POT1: variants seen among roughly 807,000 people sequenced by gnomAD.
The protein encoded by POT1 is protection of telomeres 1, also known as protection of telomeres protein 1.
Under a neutral mutation model 78.5 loss-of-function variants are expected in POT1, and 47 were observed. The observed-to-expected ratio is 0.60, with a 90% CI of 0.47 to 0.76. POT1 has a LOEUF of 0.76. POT1 is among the 30% of genes least tolerant of loss of function. The pLI, the probability that POT1 is intolerant of heterozygous loss-of-function variation, is 0.00. For missense variants in POT1, 646 were observed against 749.9 expected, an observed-to-expected ratio of 0.86 and a Z score of 1.62; for synonymous variants, 259 against 260.7, an observed-to-expected ratio of 0.99 and a Z score of 0.06.
chr7:124,925,906 T>A (rs1237946505), intron 2 of POT1, among the ~76,000 whole-genome samples: 1 of 152,070 alleles, frequency 6.6e-6, no homozygotes, highest in Non-Finnish European at 1.5e-5. Context: ...GATTGCCACA[T>A]GCAGAAGAGT....
chr7:124,852,079 A>G (rs996070140), intron 10 of POT1, 128 bp from the exon 11 acceptor site: 6 of 615,516 alleles, frequency 9.7e-6, no homozygotes, highest in Admixed American at 3.2e-5. Context: ...TGCATTCTTC[A>G]GTAAAGGATC....
At chr7:124,897,098 G>T (rs2116642842) in intron 5 of POT1, 67 bp downstream of exon 5, 2 of 919,214 alleles carry the variant, frequency 2.2e-6, no homozygotes, top group East Asian at 2.8e-5. Context: ...ACATACACAT[G>T]TATCTATGTG....
intron 15 of POT1, among the ~76,000 whole-genome samples, chr7:124,833,414 A>G (rs1361405140): frequency 6.6e-6 from 1 of 152,200 alleles, no homozygotes; most frequent in Non-Finnish European, 1.5e-5. Flanking sequence ...AGAAGTCGGA[A>G]AGAAAGAGGA....
chr7:124,852,263 T>TA (rs1795329406), intron 10 of POT1, among the ~76,000 whole-genome samples: 1 of 152,132 alleles, frequency 6.6e-6, no homozygotes, highest in Non-Finnish European at 1.5e-5. Context: ...AATATGATAT[T>TA]AAAAATCAGT....
At chr7:124,904,334 G>T (rs1796703108) in intron 3 of POT1, among the ~76,000 whole-genome samples, 1 of 152,114 alleles carries the variant, frequency 6.6e-6, no homozygotes, top group Non-Finnish European at 1.5e-5. Flanking sequence ...TCCAAGGCTG[G>T]TTCAACATAC....
intron 9 of POT1, 47 bp from the exon 10 acceptor site, chr7:124,853,185 A>G (rs1421140022): frequency 2.9e-6 from 4 of 1,387,242 alleles, no homozygotes; most frequent in Non-Finnish European, 4.0e-6. Flanking sequence ...AAAAATTAAA[A>G]TACTTCTGAT....
At chr7:124,911,333 T>G (rs909608811) in intron 3 of POT1, among the ~76,000 whole-genome samples, 10 of 152,130 alleles carry the variant, frequency 6.6e-5, no homozygotes, top group Non-Finnish European at 1.5e-4. Context: ...GGCATGATTG[T>G]GTGTATGTGC....
At chr7:124,921,138 T>C (rs1797139001) in intron 2 of POT1, among the ~76,000 whole-genome samples, 1 of 151,978 alleles carries the variant, frequency 6.6e-6, no homozygotes, top group South Asian at 2.1e-4. Context: ...AAAAAAATAT[T>C]TCACTAATAT....
At chr7:124,885,157 T>C (rs1796212854) in intron 6 of POT1, among the ~76,000 whole-genome samples, 1 of 152,026 alleles carries the variant, frequency 6.6e-6, no homozygotes, top group South Asian at 2.1e-4. Flanking sequence ...GATGAGTCAT[T>C]ATCAAAACCA....
At chr7:124,831,665 G>A (rs944872783) in intron 15 of POT1, among the ~76,000 whole-genome samples, 1 of 152,034 alleles carries the variant, frequency 6.6e-6, no homozygotes, top group Non-Finnish European at 1.5e-5. Context: ...TAGGAAAATA[G>A]GCTAATAAAT....
chr7:124,846,182 C>CACACACACACAT (rs1290882502), intron 12 of POT1, among the ~76,000 whole-genome samples: 5 of 151,888 alleles, frequency 3.3e-5, no homozygotes, highest in Non-Finnish European at 5.9e-5. Context: ...CACACACACA[C>CACACACACACAT]ACCCCTATAA....
Position 124,892,277 on chromosome 7 carries a change from C to T in POT1, c.113G>A (p.Ser38Asn), listed in dbSNP as rs1796390486. 2 of 1,530,116 alleles carry T rather than the reference C, an allele frequency of 1.3e-6. No homozygotes were observed. Among genetic ancestry groups the T allele is most frequent in the Non-Finnish European group, 1.7e-6 (2 of 1,143,774 alleles). The allele number at this position is 1,530,116 out of a possible 1,614,324, so 94.8% of individuals were successfully genotyped here. Residue 38 changes from serine to asparagine, a missense_variant, in exon 6 of 19, where the codon AGC (serine) becomes AAC (asparagine). Coordinates refer to ENST00000357628, the MANE Select transcript of POT1 (RefSeq NM_015450.3). ...GTTTTAATACCTACCAGTTCCTTTG[C>T]TTAGATATGGGGGCTTAAAGAACTT... ...VVKFFKPPYL[S>N]KGTDYCSVVT...
At chr7:124,849,687 T>C (rs928585939) in intron 11 of POT1, among the ~76,000 whole-genome samples, 2 of 152,144 alleles carry the variant, frequency 1.3e-5, no homozygotes, top group Non-Finnish European at 2.9e-5. Context: ...TAAAGTATTA[T>C]TTGTAAGAGC....
chr7:124,844,502 C>T (rs1474743696), intron 12 of POT1, among the ~76,000 whole-genome samples: 1 of 148,810 alleles, frequency 6.7e-6, no homozygotes, highest in African/African-American at 2.4e-5. Context: ...TTTGGGAGGC[C>T]GAGGCGGGTA....
chr7:124,924,410 C>T (rs1797225873), intron 2 of POT1, among the ~76,000 whole-genome samples: 1 of 151,848 alleles, frequency 6.6e-6, no homozygotes, highest in South Asian at 2.1e-4. Flanking sequence ...AACATACAGC[C>T]TCCCAAGACT....
chr7:124,882,960 T>C (rs1209581864), intron 6 of POT1, among the ~76,000 whole-genome samples: 1 of 151,996 alleles, frequency 6.6e-6, no homozygotes, highest in African/African-American at 2.4e-5. Context: ...CTCCATTCTT[T>C]AGATGAAAAT....
At chr7:124,891,381 C>T (rs1796367594) in intron 6 of POT1, among the ~76,000 whole-genome samples, 1 of 151,520 alleles carries the variant, frequency 6.6e-6, no homozygotes, top group South Asian at 2.1e-4. Context: ...CATTCCTTCA[C>T]TTTCATTTAG....
intron 3 of POT1, among the ~76,000 whole-genome samples, chr7:124,913,038 T>C (rs1352363078): frequency 6.6e-6 from 1 of 152,210 alleles, no homozygotes; most frequent in East Asian, 1.9e-4. Flanking sequence ...CTCATGTGGA[T>C]GGCAGTAGGC....
intron 2 of POT1, among the ~76,000 whole-genome samples, chr7:124,927,543 T>G (rs575442958): frequency 6.6e-6 from 1 of 152,304 alleles, no homozygotes; most frequent in Admixed American, 6.5e-5. Context: ...CATTCTTACG[T>G]ATCAAAGACT....
Sources: gnomAD v4.1 joint callset for allele counts (sites outside exome capture counted in the v4.1 genomes callset) on GRCh38, gnomAD v4.1.1 for gene constraint, MANE v1.5 for transcripts, NCBI Gene and HGNC (gene_info 2026-07-23, HGNC 2026-07-21) for gene names.